Variants in SKI observed in about 807,000 individuals in gnomAD.
SKI encodes SKI proto-oncogene.
Under a neutral mutation model 59.3 loss-of-function variants are expected in SKI, and 23 were observed. That is an observed-to-expected ratio of 0.39 (90% CI 0.28 to 0.55). The LOEUF (loss-of-function observed/expected upper bound fraction) is 0.55. Among genes scored for constraint, SKI ranks in the 20% least tolerant of loss-of-function variants. SKI has a pLI of 0.67. For missense variants in SKI, 1,017 were observed against 1,038.9 expected (o/e 0.98, Z 0.29); for synonymous variants, 673 against 488.6 (o/e 1.38, Z -4.98).
chr1:2,273,745 G>A (rs1334934656), intron 1 of SKI, among the ~76,000 whole-genome samples: 1 of 152,210 alleles, frequency 6.6e-6, no homozygotes, highest in African/African-American at 2.4e-5. Flanking sequence ...GCTCGTGCAG[G>A]ACCTCGAAGA....
intron 1 of SKI, among the ~76,000 whole-genome samples, chr1:2,241,721 A>C (rs966373152): frequency 2.0e-5 from 3 of 152,168 alleles, no homozygotes; most frequent in African/African-American, 7.2e-5. Flanking sequence ...AGCAAATCCC[A>C]GGCATCATCT....
chr1:2,286,661 C>A (rs12119470), intron 1 of SKI, among the ~76,000 whole-genome samples: 1 of 152,178 alleles, frequency 6.6e-6, no homozygotes, highest in Non-Finnish European at 1.5e-5. Flanking sequence ...TGTTGGAGTT[C>A]GCTTAACTCA....
rs1310264903 is a variant in SKI at position 2,306,076 on chromosome 1, C to G, written c.1824C>G (p.Ala608=). 1 of 1,602,330 alleles carries G rather than the reference C, an allele frequency of 6.2e-7. No individual in the cohort carries two copies. The highest frequency in any genetic ancestry group is 8.5e-7 in the Non-Finnish European group (1 of 1,175,950). Residue 608 remains alanine, a synonymous_variant, in exon 6 of 7, where the codon GCC becomes GCG. Transcript: ENST00000378536. Reference sequence around the variant, plus strand: ...AGAAGCTGCGGGAGGCCACGGAGGCCAAGCGTAACCTGCGGAAGGAGATCG... The same window carrying G: ...AGAAGCTGCGGGAGGCCACGGAGGCGAAGCGTAACCTGCGGAAGGAGATCG... ...KKEKLREATE[A]KRNLRKEIER...
intron 1 of SKI, among the ~76,000 whole-genome samples, chr1:2,263,762 C>A (rs896843942): frequency 6.7e-6 from 1 of 150,190 alleles, no homozygotes; most frequent in Non-Finnish European, 1.5e-5. Flanking sequence ...TTTGGGAGGC[C>A]AAGTCAGGAG....
chr1:2,305,656 GGTGCGAT>G (rs1640554263), intron 5 of SKI, among the ~76,000 whole-genome samples: 1 of 152,182 alleles, frequency 6.6e-6, no homozygotes, highest in South Asian at 2.1e-4. Context: ...GCCCTCAGAT[GGTGCGAT>G]GTCTGAGGCT....
rs1639535783 is a variant in SKI at position 2,268,024 on chromosome 1, C to G, written c.970-34954C>G. 6.6e-6 allele frequency among the ~76,000 whole-genome samples: 1 copy of G among 152,172 alleles called. No individual in the cohort carries two copies. ...AGCCGCCACCCCTCTGTGGACGCTACTCACCCTTAGAAGCAGGTTCCCACA... is the reference window on the plus strand; with the variant it reads ...AGCCGCCACCCCTCTGTGGACGCTAGTCACCCTTAGAAGCAGGTTCCCACA... On this transcript the variant is annotated intron_variant, in intron 1 of 6. Coordinates refer to ENST00000378536, the MANE Select transcript of SKI (RefSeq NM_003036.4). This position sits in a 1 kb window ranked among gnomAD's most constrained non-coding sequence, Gnocchi z 5.0.
At chr1:2,247,186 T>C (rs1386761888) in intron 1 of SKI, among the ~76,000 whole-genome samples, 1 of 152,204 alleles carries the variant, frequency 6.6e-6, no homozygotes, top group African/African-American at 2.4e-5. Context: ...GCCACTGCAC[T>C]TCAGCCTGGG....
chr1:2,278,893 G>A (rs1639806219), intron 1 of SKI, among the ~76,000 whole-genome samples: 1 of 152,202 alleles, frequency 6.6e-6, no homozygotes, highest in African/African-American at 2.4e-5. Flanking sequence ...TTTGGTTAGG[G>A]CCCGAGTGCT....
At chr1:2,246,854 G>A (rs576130135) in intron 1 of SKI, among the ~76,000 whole-genome samples, 1 of 44,366 alleles carries the variant, frequency 2.3e-5, no homozygotes, top group African/African-American at 7.9e-5. Context: ...GGAACCTGAT[G>A]GGGGGGGCCT....
At chr1:2,283,571 C>G (rs1034799260) in intron 1 of SKI, among the ~76,000 whole-genome samples, 28 of 152,368 alleles carry the variant, frequency 1.8e-4, no homozygotes, top group African/African-American at 5.0e-4. Flanking sequence ...TGTTGTACTG[C>G]AGGCCTGGGC....
At chr1:2,240,851 C>G (rs1303009126) in intron 1 of SKI, 2 of 954,466 alleles carry the variant, frequency 2.1e-6, no homozygotes, top group African/African-American at 3.5e-5. Flanking sequence ...GTGTGGGGGC[C>G]GTCCACAGCC....
intron 1 of SKI, among the ~76,000 whole-genome samples, chr1:2,289,854 G>A (rs1255815512): frequency 6.6e-6 from 1 of 152,096 alleles, no homozygotes; most frequent in African/African-American, 2.4e-5. Context: ...GGCAGCACCT[G>A]GCTGGGCTGA....
chr1:2,276,030 A>G (rs1376190712), intron 1 of SKI, among the ~76,000 whole-genome samples: 1 of 152,184 alleles, frequency 6.6e-6, no homozygotes, highest in Non-Finnish European at 1.5e-5. Flanking sequence ...GAATTGAGCA[A>G]TCTCCTTGTG....
chr1:2,261,900 G>A (rs183080624), intron 1 of SKI, among the ~76,000 whole-genome samples: 3 of 141,332 alleles, frequency 2.1e-5, no homozygotes, highest in Admixed American at 7.2e-5. Context: ...TCTGGAAGGC[G>A]TGGAATCAGA....
intron 4 of SKI, 78 bp from the exon 5 acceptor site, chr1:2,304,215 C>T: frequency 1.3e-6 from 2 of 1,558,826 alleles, no homozygotes; most frequent in South Asian, 1.2e-5. Context: ...GCAGGTTCCT[C>T]CGGGAGCGGC....
Position 2,303,996 on chromosome 1 carries a change from G to C in SKI, c.1368G>C (p.Lys456Asn). 1 of 1,612,554 alleles carries C rather than the reference G, an allele frequency of 6.2e-7. No homozygotes were observed. Among genetic ancestry groups the C allele is most frequent in the Non-Finnish European group, 8.5e-7 (1 of 1,179,866 alleles). The change falls in exon 4 of 7, where the codon AAG (lysine) becomes AAC (asparagine). Residue 456 changes from lysine (K) to asparagine (N), a missense_variant. Transcript: ENST00000378536. The surrounding 1 kb of genome is among the most constrained non-coding windows in gnomAD (Gnocchi z 5.6). ...LATCTQPRKRKLTVDTPGAPE... is the reference protein window; with the variant it reads ...LATCTQPRKRNLTVDTPGAPE... The stretch of plus-strand genomic sequence containing the variant: ...CTTGCACCCAGCCTCGGAAGCGGAA[G>C]CTGACTGTGGACACCCCAGGAGCCC...
rs1377820297 is a variant in SKI, at chr1:2,303,541, T to C, written c.1211+141T>C. On this transcript the variant is annotated intron_variant, in intron 3 of 6. Coordinates refer to ENST00000378536, the MANE Select transcript of SKI (RefSeq NM_003036.4). This position sits in a 1 kb window ranked among gnomAD's most constrained non-coding sequence, Gnocchi z 5.6. ...TCAGGGCAGTCTCGGTGTTGGTTCC[T>C]TTGGCTGGCATCAGGGAGAGCACAC... 5 of 778,466 alleles carry C rather than the reference T, an allele frequency of 6.4e-6. No individual in the cohort carries two copies. Among genetic ancestry groups the C allele is most frequent in the Non-Finnish European group, 4.1e-6 (2 of 482,480 alleles). The allele number at this position is 778,466 out of a possible 1,614,324, so 48.2% of individuals were successfully genotyped here.
intron 5 of SKI, among the ~76,000 whole-genome samples, chr1:2,305,373 G>T (rs536123500): frequency 6.6e-6 from 1 of 152,268 alleles, no homozygotes; most frequent in South Asian, 2.1e-4. Context: ...CTTCCGCGGC[G>T]TGGGCTTTAG....
intron 1 of SKI, among the ~76,000 whole-genome samples, chr1:2,253,036 C>T (rs1639196001): frequency 6.7e-6 from 1 of 150,366 alleles, no homozygotes; most frequent in African/African-American, 2.5e-5. Context: ...GCAGAGGTTG[C>T]AGTGAGCCCA....
Sources: allele counts gnomAD v4.1 joint callset (sites outside exome capture counted in the v4.1 genomes callset), GRCh38; gene constraint gnomAD v4.1.1; non-coding constraint Gnocchi (gnomAD v3.1); transcripts MANE v1.5; gene names NCBI Gene and HGNC (gene_info 2026-07-23, HGNC 2026-07-21).